Variants in NUCB1 observed in about 807,000 individuals in gnomAD.
The protein encoded by NUCB1 is nucleobindin-1.
A neutral mutation model predicts 61.2 loss-of-function variants in NUCB1; 47 were observed. The observed-to-expected ratio is 0.77, with a 90% confidence interval of 0.61 to 0.98. NUCB1 has a LOEUF of 0.98. Among genes scored for constraint, NUCB1 ranks in the 50% least tolerant of loss-of-function variants. The pLI, the probability that NUCB1 is intolerant of heterozygous loss-of-function variation, is 0.00. For missense variants in NUCB1, 583 were observed against 605.3 expected, an observed-to-expected ratio of 0.96 and a Z score of 0.39; for synonymous variants, 234 against 243.1, an observed-to-expected ratio of 0.96 and a Z score of 0.35.
At chr19:48,917,223 TAAAAAATAA>T (rs2037551072) in intron 7 of NUCB1, among the ~76,000 whole-genome samples, 1 of 152,092 alleles carries the variant, frequency 6.6e-6, no homozygotes, top group South Asian at 2.1e-4. Flanking sequence ...ACCCTGTCTC[TAAAAAATAA>T]AAAAATAAAA....
intron 10 of NUCB1, among the ~76,000 whole-genome samples, chr19:48,920,203 G>T (rs1224137262): frequency 6.6e-6 from 1 of 152,112 alleles, no homozygotes; most frequent in African/African-American, 2.4e-5. Context: ...GAGTGCAGGG[G>T]TGTTATCATG....
rs1600052510 is a variant in NUCB1 at position 48,904,391 on chromosome 19, T to C, written c.180T>C (p.Asp60=). The change falls in exon 3 of 13, where the codon GAT becomes GAC. Residue 60 remains aspartate, a synonymous_variant. Coordinates refer to ENST00000405315, the MANE Select transcript of NUCB1 (RefSeq NM_006184.6). ...YYHRYLQEVI[D]VLETDGHFRE... The stretch of plus-strand genomic sequence containing the variant: ...ACCGGTACCTCCAGGAGGTCATCGA[T>C]GTACTGGAGACGGATGGGCATTTCC... The C allele has an allele frequency of 6.2e-7, 1 of 1,613,534 alleles. No homozygotes were observed. Among genetic ancestry groups the C allele is most frequent in the Non-Finnish European group, 8.5e-7 (1 of 1,179,816 alleles).
At chr19:48,913,606 A>C (rs760382285) in intron 7 of NUCB1, 42 bp downstream of exon 7, 2 of 1,521,760 alleles carry the variant, frequency 1.3e-6, no homozygotes, top group Non-Finnish European at 1.8e-6. Context: ...TGAACCCTAG[A>C]TTCTGACCCT....
chr19:48,917,922 G>A (rs1318862299), intron 7 of NUCB1, among the ~76,000 whole-genome samples: 1 of 151,408 alleles, frequency 6.6e-6, no homozygotes, highest in Non-Finnish European at 1.5e-5. Flanking sequence ...TTACAGGCAT[G>A]AGCCCCTAAA....
At position 48,919,218 on chromosome 19, in the gene NUCB1, G is replaced by A. The variant is rs753187985; in HGVS notation, c.934G>A (p.Val312Met). Residue 312 changes from valine (V) to methionine (M), a missense_variant, in exon 10 of 13, where the codon GTG becomes ATG. Physicochemically the swap from Val to Met is conservative, Grantham distance 21. Coordinates refer to ENST00000405315, the MANE Select transcript of NUCB1 (RefSeq NM_006184.6). The part of the protein sequence containing the change: ...KNVDTNQDRL[V>M]TLEEFLASTQ... ...GGTGGACACCAACCAGGACCGCCTC[G>A]TGACCCTGGAGGAGTTCCTCGCATC... 7 of 1,613,906 alleles carry A rather than the reference G, an allele frequency of 4.3e-6. No homozygotes were observed. The South Asian group carries it at 5.5e-5, about 13-fold the overall frequency.
chr19:48,918,621 G>A, intron 7 of NUCB1, 105 bp from the exon 8 acceptor site: 1 of 870,160 alleles, frequency 1.1e-6, no homozygotes, highest in Middle Eastern at 2.2e-4. Context: ...GTAGTTACCT[G>A]TCCTCTGATA....
At chr19:48,912,962 G>T (rs1040997481) in intron 5 of NUCB1, 49 bp from the exon 6 acceptor site, 1 of 1,463,512 alleles carries the variant, frequency 6.8e-7, no homozygotes, top group South Asian at 1.3e-5. Context: ...GCTGGAATTG[G>T]GGGCTGGGCA....
rs568395109 is a variant in NUCB1 at position 48,923,126 on chromosome 19, G to A, written c.*702G>A. 6.5e-6 allele frequency: 1 copy of A among 152,816 alleles called. No homozygotes were observed. The highest frequency in any genetic ancestry group is 2.1e-4 in the South Asian group (1 of 4,824). 9.5% of individuals were successfully genotyped at this position (152,816 alleles called of 1,614,324 possible). ...GGTCCCAGAGCTGACCCCACTCCAG[G>A]ACCTAGGCCCAGCCCCTCAGCCTCA... On this transcript the variant is annotated 3_prime_UTR_variant, in exon 13 of 13. Coordinates refer to ENST00000405315, the MANE Select transcript of NUCB1 (RefSeq NM_006184.6).
chr19:48,913,121 G>A lies in NUCB1; in HGVS notation c.591G>A (p.Glu197=). 1 of 1,613,984 alleles carries A rather than the reference G, an allele frequency of 6.2e-7. No individual in the cohort carries two copies. The highest frequency in any genetic ancestry group is 8.5e-7 in the Non-Finnish European group (1 of 1,180,016). ...GTTATCTGGAGTCACTGGGAGAGGA[G>A]CAGAGAAAGGAGGCGGAGAGGAAGC... ...RRRYLESLGE[E]QRKEAERKLE... Residue 197 remains glutamate, a synonymous_variant, in exon 6 of 13, where the codon GAG becomes GAA. Transcript: ENST00000405315.
At chr19:48,901,409 G>T (rs1202220846) in intron 2 of NUCB1, among the ~76,000 whole-genome samples, 1 of 152,152 alleles carries the variant, frequency 6.6e-6, no homozygotes, top group African/African-American at 2.4e-5. Flanking sequence ...TTGGAACTTT[G>T]GAGATCCTGA....
At chr19:48,901,110 CCTGACT>C (rs141391051) in intron 2 of NUCB1, 179 bp downstream of exon 2, 66,148 of 722,540 alleles carry the variant, frequency 0.092, 3,608 homozygotes, top group East Asian at 0.16. Flanking sequence ...ACTGGAGGTC[CCTGACT>C]CTGAGGTGTG....
At position 48,922,315 on chromosome 19, in the gene NUCB1, C is replaced by T; in HGVS notation, c.1280-3C>T. The T allele has an allele frequency of 6.2e-7, 1 of 1,612,980 alleles. No homozygotes were observed. The highest frequency in any genetic ancestry group is 8.5e-7 in the Non-Finnish European group (1 of 1,179,126). ...TGCCACCATTCCCTCCCTCCATTTC[C>T]AGACGATGTACCTGTCCCAGCTCCA... On this transcript the variant is annotated splice_region_variant and splice_polypyrimidine_tract_variant and intron_variant, in intron 12 of 12. Transcript: ENST00000405315.
intron 2 of NUCB1, among the ~76,000 whole-genome samples, chr19:48,901,357 A>C (rs1010389757): frequency 1.3e-5 from 2 of 152,114 alleles, no homozygotes; most frequent in Non-Finnish European, 2.9e-5. Context: ...TAATTCCTAC[A>C]TGTGTTTATC....
At position 48,922,516 on chromosome 19, in the gene NUCB1, G is replaced by A. The variant is rs538145418; in HGVS notation, c.*92G>A. The A allele has an allele frequency of 1.8e-5, 18 of 1,025,114 alleles. No homozygotes were observed. The highest frequency in any genetic ancestry group is 1.2e-4 in the Admixed American group (6 of 51,056). The allele number at this position is 1,025,114 out of a possible 1,614,324, so 63.5% of individuals were successfully genotyped here. ...GGCACAGTCAGCTTCCCTGGGGGCT[G>A]GTGTCATGTTGGGCTCCTGGGGCGG... On this transcript the variant is annotated 3_prime_UTR_variant, in exon 13 of 13. Coordinates refer to ENST00000405315, the MANE Select transcript of NUCB1 (RefSeq NM_006184.6).
chr19:48,917,200 G>A (rs1376538319), intron 7 of NUCB1, among the ~76,000 whole-genome samples: 1 of 152,136 alleles, frequency 6.6e-6, no homozygotes, highest in Non-Finnish European at 1.5e-5. Flanking sequence ...TCCAGCCTGG[G>A]TGACAGAGTG....
chr19:48,913,116 G>A lies in NUCB1; in HGVS notation c.586G>A (p.Glu196Lys). 1 of 1,613,958 alleles carries A rather than the reference G, an allele frequency of 6.2e-7. No individual in the cohort carries two copies. The highest frequency in any genetic ancestry group is 8.5e-7 in the Non-Finnish European group (1 of 1,180,000). The change falls in exon 6 of 13, where the codon GAG becomes AAG. Residue 196 changes from glutamate to lysine, a missense_variant. By Grantham distance (56) the Glu-to-Lys change is moderately conservative (BLOSUM62 1). Coordinates refer to ENST00000405315, the MANE Select transcript of NUCB1 (RefSeq NM_006184.6). The stretch of plus-strand genomic sequence containing the variant: ...ACGGCGTTATCTGGAGTCACTGGGA[G>A]AGGAGCAGAGAAAGGAGGCGGAGAG... ...ERRRYLESLGEEQRKEAERKL... is the reference protein window; with the variant it reads ...ERRRYLESLGKEQRKEAERKL...
At chr19:48,921,994 G>A in intron 12 of NUCB1, 62 bp downstream of exon 12, 1 of 1,345,294 alleles carries the variant, frequency 7.4e-7, no homozygotes, top group Non-Finnish European at 1.0e-6. Flanking sequence ...TGAGGTTGGA[G>A]GGGCTGGGCC....
At chr19:48,921,094 C>CATTGG in intron 10 of NUCB1, 60 bp from the exon 11 acceptor site, 1 of 1,530,274 alleles carries the variant, frequency 6.5e-7, no homozygotes, top group Non-Finnish European at 8.8e-7. Context: ...CAACCCTCTC[C>CATTGG]AACATGGGTG....
intron 7 of NUCB1, among the ~76,000 whole-genome samples, chr19:48,913,774 C>T (rs2037507196): frequency 6.6e-6 from 1 of 152,102 alleles, no homozygotes; most frequent in South Asian, 2.1e-4. Context: ...TTCTAGCAAA[C>T]ACCAGACCTC....
Sources: gnomAD v4.1 joint callset for allele counts (sites outside exome capture counted in the v4.1 genomes callset) on GRCh38, gnomAD v4.1.1 for gene constraint, MANE v1.5 for transcripts, NCBI Gene and HGNC (gene_info 2026-07-23, HGNC 2026-07-21) for gene names.